The following SERGEF variants were observed in gnomAD, a reference collection of about 807,000 sequenced individuals.
SERGEF encodes secretion-regulating guanine nucleotide exchange factor.
In SERGEF, 51 loss-of-function variants were observed where a neutral mutation model predicts 50.0. The observed-to-expected ratio is 1.02, with a 90% CI of 0.81 to 1.29. The LOEUF (loss-of-function observed/expected upper bound fraction) is 1.29, where lower values mean the gene tolerates loss of function less well. Among genes scored for constraint, SERGEF ranks in the 50% most tolerant of loss-of-function variants. SERGEF has a pLI of 0.00. For missense variants in SERGEF, 521 were observed against 557.0 expected, an observed-to-expected ratio of 0.94 and a Z score of 0.65; for synonymous variants, 205 against 212.4, an observed-to-expected ratio of 0.97 and a Z score of 0.30.
intron 9 of SERGEF, among the ~76,000 whole-genome samples, chr11:17,933,489 C>G (rs1343730460): frequency 6.6e-6 from 1 of 152,134 alleles, no homozygotes; most frequent in Non-Finnish European, 1.5e-5. Context: ...TGCTCAGTCA[C>G]TACTAGCTAC....
At chr11:17,890,026 CAAAAAAA>C (rs59805347) in intron 9 of SERGEF, among the ~76,000 whole-genome samples, 6 of 73,970 alleles carry the variant, frequency 8.1e-5, no homozygotes, top group Non-Finnish European at 1.4e-4. Flanking sequence ...ACACTTCAAC[CAAAAAAA>C]AAAAAAAAAA....
intron 8 of SERGEF, among the ~76,000 whole-genome samples, chr11:17,961,931 T>C (rs755567789): frequency 2.0e-5 from 3 of 152,230 alleles, no homozygotes; most frequent in Non-Finnish European, 4.4e-5. Context: ...AGGTACCCAG[T>C]ACATTCATTG....
At chr11:17,904,547 A>C (rs1399958748) in intron 9 of SERGEF, among the ~76,000 whole-genome samples, 1 of 152,158 alleles carries the variant, frequency 6.6e-6, no homozygotes, top group Non-Finnish European at 1.5e-5. Context: ...GTCTATTCAA[A>C]CCATTTCTAT....
intron 9 of SERGEF, among the ~76,000 whole-genome samples, chr11:17,958,588 T>C (rs977733112): frequency 1.3e-5 from 2 of 152,264 alleles, no homozygotes; most frequent in Middle Eastern, 3.4e-3. Flanking sequence ...AACACGAGTA[T>C]AAAATGTTTA....
intron 1 of SERGEF, chr11:18,010,073 A>AC: frequency 8.4e-7 from 1 of 1,187,590 alleles, no homozygotes; most frequent in South Asian, 1.3e-5. Flanking sequence ...TCAAGTACCT[A>AC]CTCCTAGCTG....
chr11:17,988,537 G>T, intron 8 of SERGEF, 60 bp downstream of exon 8: 3 of 1,567,472 alleles, frequency 1.9e-6, no homozygotes, highest in Admixed American at 1.7e-5. Context: ...ACTCATGGCT[G>T]CTTAGACAGC....
At chr11:17,893,835 T>G (rs1248229230) in intron 9 of SERGEF, among the ~76,000 whole-genome samples, 1 of 152,168 alleles carries the variant, frequency 6.6e-6, no homozygotes, top group Non-Finnish European at 1.5e-5. Context: ...CCAGTGTTCC[T>G]CCAGCAAGAA....
At chr11:18,002,148 C>A (rs1217734130) in intron 4 of SERGEF, 3 of 378,900 alleles carry the variant, frequency 7.9e-6, no homozygotes, top group Non-Finnish European at 1.6e-5. Flanking sequence ...TTATATTTTT[C>A]TTTTGTTTTT....
chr11:17,854,720 C>G (rs1039650150), intron 10 of SERGEF: 3 of 152,018 alleles, frequency 2.0e-5, no homozygotes, highest in Non-Finnish European at 4.4e-5. Flanking sequence ...CTAGTTGAAC[C>G]TGGACTGACA....
intron 9 of SERGEF, among the ~76,000 whole-genome samples, chr11:17,913,385 A>C (rs1851988957): frequency 6.6e-6 from 1 of 152,244 alleles, no homozygotes; most frequent in Non-Finnish European, 1.5e-5. Context: ...CCCTGACCCC[A>C]GCCCTAGCTC....
intron 9 of SERGEF, among the ~76,000 whole-genome samples, chr11:17,934,848 G>T (rs1014529547): frequency 1.3e-5 from 2 of 152,048 alleles, no homozygotes; most frequent in Non-Finnish European, 2.9e-5. Context: ...CTAATACCAC[G>T]TCACATCTTT....
chr11:17,828,098 C>T (rs960984333), intron 10 of SERGEF, among the ~76,000 whole-genome samples: 20 of 152,132 alleles, frequency 1.3e-4, no homozygotes, highest in Admixed American at 9.8e-4. Context: ...CTAGTGAAGG[C>T]GGAGTTGAGA....
intron 7 of SERGEF, among the ~76,000 whole-genome samples, chr11:17,989,593 C>G (rs1447156310): frequency 6.6e-6 from 1 of 152,208 alleles, no homozygotes; most frequent in Admixed American, 6.5e-5. Flanking sequence ...TAAATGAAAG[C>G]CATACAAAAT....
intron 9 of SERGEF, among the ~76,000 whole-genome samples, chr11:17,879,435 T>C (rs1285221788): frequency 6.6e-6 from 1 of 152,216 alleles, no homozygotes; most frequent in Non-Finnish European, 1.5e-5. Context: ...AGATCACCTA[T>C]GTTATGAGAA....
intron 5 of SERGEF, among the ~76,000 whole-genome samples, chr11:17,998,192 G>A (rs1384223000): frequency 6.6e-6 from 1 of 151,836 alleles, no homozygotes. Context: ...CAGGAAGACT[G>A]TCAGAGGCTG....
rs536934064 is a variant in SERGEF, at chr11:17,788,541, A to G, written c.1049-128T>C. 1.3e-4 allele frequency: 94 copies of G among 731,070 alleles called. 1 individual carries two copies. In the Admixed American group the frequency reaches 1.5e-3, roughly 12 times the overall value. The allele number at this position is 731,070 out of a possible 1,614,324, so 45.3% of individuals were successfully genotyped here. ...GGAAGACGCCAAAGCTTAAGGACAC[A>G]TGGCGGCATCCTCCCCATCCCTACT... On this transcript the variant is annotated intron_variant, in intron 10 of 10. Coordinates refer to ENST00000265965, the MANE Select transcript of SERGEF (RefSeq NM_012139.4).
intron 9 of SERGEF, among the ~76,000 whole-genome samples, chr11:17,934,725 A>C (rs1852418800): frequency 6.6e-6 from 1 of 152,194 alleles, no homozygotes; most frequent in Non-Finnish European, 1.5e-5. Context: ...ACTAACCTCA[A>C]CCAAATGAAT....
At chr11:18,001,746 C>T (rs1853966349) in intron 4 of SERGEF, among the ~76,000 whole-genome samples, 1 of 152,230 alleles carries the variant, frequency 6.6e-6, no homozygotes, top group Admixed American at 6.5e-5. Flanking sequence ...ATTCATCAGC[C>T]ATCACTGGAT....
intron 5 of SERGEF, among the ~76,000 whole-genome samples, chr11:17,997,577 C>T (rs930646898): frequency 2.0e-5 from 3 of 152,078 alleles, no homozygotes; most frequent in African/African-American, 7.2e-5. Context: ...ATTTGTACAC[C>T]CATGTTCATA....
Sources: allele counts gnomAD v4.1 joint callset (sites outside exome capture counted in the v4.1 genomes callset), GRCh38; gene constraint gnomAD v4.1.1; transcripts MANE v1.5; gene names NCBI Gene and HGNC (gene_info 2026-07-23, HGNC 2026-07-21).